The following AIG1 variants were observed in gnomAD, a reference collection of about 807,000 sequenced individuals.
AIG1 encodes androgen-induced gene 1 protein.
Under a neutral mutation model 31.4 loss-of-function variants are expected in AIG1, and 23 were observed. The ratio of observed to expected loss-of-function variants is 0.73; its 90% CI spans 0.53 to 1.04. The LOEUF is 1.04. Among genes scored for constraint, AIG1 ranks in the 50% least tolerant of loss-of-function variants. The probability of loss-of-function intolerance (pLI) is 0.00; values close to 1 mark genes in which losing one functional copy is unlikely to be tolerated. For missense variants in AIG1, 274 were observed against 295.0 expected (o/e 0.93, Z 0.52); for synonymous variants, 100 against 110.5 (o/e 0.90, Z 0.60).
At chr6:143,156,706 T>C (rs1015588564) in intron 2 of AIG1, among the ~76,000 whole-genome samples, 2 of 152,216 alleles carry the variant, frequency 1.3e-5, no homozygotes, top group Non-Finnish European at 2.9e-5. Flanking sequence ...AAGACAGCAT[T>C]GGGCAGAGAG....
chr6:143,243,453 C>T (rs12665255), intron 3 of AIG1, among the ~76,000 whole-genome samples: 4,780 of 152,304 alleles, frequency 0.031, 284 homozygotes, highest in Admixed American at 0.16. Context: ...TAATTATACA[C>T]TTGCTTGGAA....
At chr6:143,100,337 G>A (rs575499834) in intron 1 of AIG1, among the ~76,000 whole-genome samples, 1 of 152,212 alleles carries the variant, frequency 6.6e-6, no homozygotes, top group African/African-American at 2.4e-5. Flanking sequence ...GATGGGAGAG[G>A]TTTTGTTCTC....
At chr6:143,113,836 G>A (rs1330682021) in intron 1 of AIG1, among the ~76,000 whole-genome samples, 1 of 151,568 alleles carries the variant, frequency 6.6e-6, no homozygotes, top group African/African-American at 2.4e-5. Flanking sequence ...GTGCAGTGGC[G>A]TGATCTCGGC....
chr6:143,119,692 CCTTGG>C (rs1782077772), intron 1 of AIG1, among the ~76,000 whole-genome samples: 1 of 152,164 alleles, frequency 6.6e-6, no homozygotes, highest in Non-Finnish European at 1.5e-5. Context: ...GGAGTAAGGA[CCTTGG>C]GAAGAAGCCT....
At chr6:143,107,990 GT>G (rs1780951889) in intron 1 of AIG1, among the ~76,000 whole-genome samples, 1 of 152,128 alleles carries the variant, frequency 6.6e-6, no homozygotes, top group South Asian at 2.1e-4. Flanking sequence ...TTGATTTACT[GT>G]TGTTTTAAGT....
intron 3 of AIG1, among the ~76,000 whole-genome samples, chr6:143,283,160 T>C (rs1797462008): frequency 6.6e-6 from 1 of 152,260 alleles, no homozygotes; most frequent in South Asian, 2.1e-4. Context: ...GGCATTTGAA[T>C]ATCTGAAAGG....
chr6:143,218,493 T>C (rs370739314), intron 3 of AIG1, among the ~76,000 whole-genome samples: 7 of 152,358 alleles, frequency 4.6e-5, no homozygotes, highest in African/African-American at 7.2e-5. Context: ...CGTTGCTATT[T>C]AAGCCAAATC....
intron 4 of AIG1, among the ~76,000 whole-genome samples, chr6:143,287,071 C>T (rs543197000): frequency 1.3e-5 from 2 of 151,984 alleles, no homozygotes; most frequent in Non-Finnish European, 1.5e-5. Context: ...CCAAACATCA[C>T]CTGTCCATTT....
chr6:143,150,041 C>T (rs986837403), intron 2 of AIG1, among the ~76,000 whole-genome samples: 3 of 152,190 alleles, frequency 2.0e-5, no homozygotes, highest in Non-Finnish European at 4.4e-5. Flanking sequence ...CTGAATGACA[C>T]CTACACCGTG....
chr6:143,091,675 C>T (rs1373924298), intron 1 of AIG1, among the ~76,000 whole-genome samples: 1 of 152,084 alleles, frequency 6.6e-6, no homozygotes, highest in Non-Finnish European at 1.5e-5. Flanking sequence ...TCTTAATAGC[C>T]ATAGCTATAG....
At chr6:143,224,803 C>G (rs1462696837) in intron 3 of AIG1, among the ~76,000 whole-genome samples, 1 of 152,140 alleles carries the variant, frequency 6.6e-6, no homozygotes, top group African/African-American at 2.4e-5. Context: ...CAGCTGTCCT[C>G]AGTCCCTGAC....
At chr6:143,171,516 ATATATATATTTAAT>A (rs1787619434) in intron 3 of AIG1, among the ~76,000 whole-genome samples, 1 of 127,930 alleles carries the variant, frequency 7.8e-6, no homozygotes, top group South Asian at 2.3e-4. Flanking sequence ...AATATATATA[ATATATATATTTAAT>A]ATATATATTA....
chr6:143,341,512 A>T (rs2128728705), downstream of AIG1, among the ~76,000 whole-genome samples: 1 of 152,308 alleles, frequency 6.6e-6, no homozygotes, highest in Middle Eastern at 3.4e-3. Flanking sequence ...ATCCAATCTG[A>T]GTAGTATCTT....
chr6:143,090,321 C>T (rs1779187757), intron 1 of AIG1, among the ~76,000 whole-genome samples: 1 of 151,870 alleles, frequency 6.6e-6, no homozygotes, highest in African/African-American at 2.4e-5. Context: ...ATCCATCCAT[C>T]CATAGATATA....
chr6:143,187,267 G>T (rs1562471613), intron 3 of AIG1: 3 of 780,078 alleles, frequency 3.8e-6, no homozygotes, highest in East Asian at 5.4e-5. Flanking sequence ...CTATTTGAAA[G>T]ATCTTGGCTT....
chr6:143,149,745 C>T (rs913747063), intron 2 of AIG1, among the ~76,000 whole-genome samples: 4 of 152,094 alleles, frequency 2.6e-5, no homozygotes, highest in Admixed American at 6.6e-5. Flanking sequence ...CAAGTTTTGA[C>T]AAGAAAAGAA....
At chr6:143,197,019 A>G (rs1260205167) in intron 3 of AIG1, among the ~76,000 whole-genome samples, 1 of 152,142 alleles carries the variant, frequency 6.6e-6, no homozygotes, top group Non-Finnish European at 1.5e-5. Context: ...TATCTCAGAG[A>G]TCCTGACAAT....
intron 3 of AIG1, among the ~76,000 whole-genome samples, chr6:143,222,579 A>G (rs1792615584): frequency 1.3e-5 from 2 of 152,144 alleles, no homozygotes; most frequent in South Asian, 4.1e-4. Flanking sequence ...TTCGCAGTTG[A>G]CAAACTAGAG....
At chr6:143,059,540 A>C (rs1193925336), upstream of AIG1, among the ~76,000 whole-genome samples, 1 of 152,246 alleles carries the variant, frequency 6.6e-6, no homozygotes, top group African/African-American at 2.4e-5. Context: ...AAAAATCATC[A>C]ATAATACATC....
Sources: allele counts gnomAD v4.1 joint callset (sites outside exome capture counted in the v4.1 genomes callset), GRCh38; gene constraint gnomAD v4.1.1; transcripts MANE v1.5; gene names NCBI Gene and HGNC (gene_info 2026-07-23, HGNC 2026-07-21).